Variants in KCND2 observed in about 807,000 individuals in gnomAD.
The protein encoded by KCND2 is A-type voltage-gated potassium channel KCND2.
KCND2 carries 16 observed loss-of-function variants against 54.4 expected under a neutral mutation model. The observed-to-expected ratio is 0.29, with a 90% CI of 0.20 to 0.45. KCND2 has a LOEUF of 0.45. KCND2 is among the 20% of genes least tolerant of loss of function. KCND2 has a pLI of 1.00. For missense variants in KCND2, 486 were observed against 824.2 expected (o/e 0.59, Z 5.02); for synonymous variants, 317 against 310.7 (o/e 1.02, Z -0.21).
intron 1 of KCND2, among the ~76,000 whole-genome samples, chr7:120,569,005 A>G (rs1792331723): frequency 6.6e-6 from 1 of 152,122 alleles, no homozygotes; most frequent in East Asian, 1.9e-4. Flanking sequence ...TAGCACCCCC[A>G]GCACTTGCAA....
At chr7:120,338,512 A>C (rs1198067105) in intron 1 of KCND2, among the ~76,000 whole-genome samples, 1 of 152,002 alleles carries the variant, frequency 6.6e-6, no homozygotes, top group Non-Finnish European at 1.5e-5. Context: ...TGGTATTTTG[A>C]AGTTAACTAT....
intron 1 of KCND2, among the ~76,000 whole-genome samples, chr7:120,724,146 G>A (rs137893467): frequency 6.6e-5 from 10 of 152,224 alleles, no homozygotes; most frequent in Non-Finnish European, 2.9e-5. Context: ...CCAATTATTT[G>A]CTCAGCACTG....
intron 1 of KCND2, among the ~76,000 whole-genome samples, chr7:120,605,154 C>G (rs58555874): frequency 0.085 from 12,944 of 152,202 alleles, 627 homozygotes; most frequent in South Asian, 0.09. Flanking sequence ...ACAACCATGA[C>G]CACTGTCTAA....
chr7:120,574,686 T>G, intron 1 of KCND2, among the ~76,000 whole-genome samples: 1 of 152,080 alleles, frequency 6.6e-6, no homozygotes, highest in East Asian at 1.9e-4. Context: ...GCGTTGGAAT[T>G]TTTATAGCTT....
At chr7:120,413,090 C>T (rs1801474175) in intron 1 of KCND2, among the ~76,000 whole-genome samples, 1 of 151,944 alleles carries the variant, frequency 6.6e-6, no homozygotes, top group African/African-American at 2.4e-5. Context: ...CTACTAGCAC[C>T]ACCTTCCCAA....
rs925809356 is a variant in KCND2 at position 120,323,567 on chromosome 7, C to T, written c.1115+47820C>T. On this transcript the variant is annotated intron_variant, in intron 1 of 5. Coordinates refer to ENST00000331113, the MANE Select transcript of KCND2 (RefSeq NM_012281.3). ...TGTGGTGTTTGGTTTTTTGTCCTTG[C>T]GATAGTTTACTGAGAATGATGATTT... Among the ~76,000 whole-genome samples, 43 of 149,886 alleles carry T rather than the reference C, an allele frequency of 2.9e-4. 1 individual carries two copies. The highest frequency in any genetic ancestry group is 8.6e-4 in the African/African-American group (35 of 40,632).
At chr7:120,364,558 T>G (rs1011158739) in intron 1 of KCND2, among the ~76,000 whole-genome samples, 2 of 152,066 alleles carry the variant, frequency 1.3e-5, no homozygotes, top group Non-Finnish European at 2.9e-5. Context: ...AATGCAAGGT[T>G]TTGCAATGGG....
intron 4 of KCND2, among the ~76,000 whole-genome samples, chr7:120,745,071 T>C (rs1792989170): frequency 1.3e-5 from 2 of 152,104 alleles, no homozygotes; most frequent in African/African-American, 2.4e-5. Flanking sequence ...CATACAGAGA[T>C]CATGAGTACA....
rs753709368 is a variant in KCND2, at chr7:120,274,659, G to C, written c.27G>C (p.Leu9=). 3 of 1,614,010 alleles carry C rather than the reference G, an allele frequency of 1.9e-6. No individual in the cohort carries two copies. The highest frequency in any genetic ancestry group is 2.2e-5 in the East Asian group (1 of 44,836). The change falls in exon 1 of 6, where the codon CTG becomes CTC. Residue 9 remains leucine, a synonymous_variant. Transcript: ENST00000331113. ...TGGCGGCGGGGGTGGCAGCGTGGCTGCCTTTTGCAAGGGCAGCGGCTATCG... is the reference window on the plus strand; with the variant it reads ...TGGCGGCGGGGGTGGCAGCGTGGCTCCCTTTTGCAAGGGCAGCGGCTATCG... MAAGVAAW[L]PFARAAAIGW...
At chr7:120,656,787 A>G (rs1443173986) in intron 1 of KCND2, among the ~76,000 whole-genome samples, 1 of 152,190 alleles carries the variant, frequency 6.6e-6, no homozygotes, top group African/African-American at 2.4e-5. Context: ...GTGCAAAATT[A>G]TTATTCCCCT....
intron 1 of KCND2, among the ~76,000 whole-genome samples, chr7:120,303,701 C>T (rs1272028373): frequency 6.6e-6 from 1 of 152,138 alleles, no homozygotes; most frequent in East Asian, 1.9e-4. Context: ...CTTTGCTCTC[C>T]TAATCATCCT....
Position 120,672,884 on chromosome 7 carries a change from C to A in KCND2, c.1116-60019C>A, listed in dbSNP as rs557088369. ...GAAATTTCTGCTCTCTTTGGCAGCA[C>A]GTGTACTAATAATATAGGAAGGATA... On this transcript the variant is annotated intron_variant, in intron 1 of 5. Coordinates refer to ENST00000331113, the MANE Select transcript of KCND2 (RefSeq NM_012281.3). The A allele has an allele frequency of 4.6e-5, 7 of 152,130 alleles. No homozygotes were observed. In the East Asian group the frequency reaches 1.4e-3, roughly 29 times the overall value. 9.4% of individuals were successfully genotyped at this position (152,130 alleles called of 1,614,324 possible).
At chr7:120,283,295 A>C (rs1039769974) in intron 1 of KCND2, among the ~76,000 whole-genome samples, 1 of 152,206 alleles carries the variant, frequency 6.6e-6, no homozygotes, top group Non-Finnish European at 1.5e-5. Context: ...ATGATAGACC[A>C]CAATAAAGAC....
At chr7:120,503,869 C>T (rs764424219) in intron 1 of KCND2, among the ~76,000 whole-genome samples, 7 of 151,834 alleles carry the variant, frequency 4.6e-5, no homozygotes, top group Non-Finnish European at 7.4e-5. Context: ...GGAAGGGACC[C>T]TTTCAAGCAA....
At chr7:120,559,854 G>T (rs1425162073) in intron 1 of KCND2, among the ~76,000 whole-genome samples, 1 of 152,114 alleles carries the variant, frequency 6.6e-6, no homozygotes, top group African/African-American at 2.4e-5. Flanking sequence ...TTAACCAAGA[G>T]AAAATTAAGC....
intron 1 of KCND2, among the ~76,000 whole-genome samples, chr7:120,572,670 G>A (rs1479391354): frequency 1.3e-5 from 2 of 152,070 alleles, no homozygotes; most frequent in East Asian, 1.9e-4. Flanking sequence ...GGTGTGAGCC[G>A]CCACACCCAG....
chr7:120,273,417 C>T lies in KCND2; in HGVS notation c.-1216C>T, dbSNP rs1388964330. Among the ~76,000 whole-genome samples the T allele has an allele frequency of 3.4e-5, 5 of 147,586 alleles. No individual in the cohort carries two copies. The highest frequency in any genetic ancestry group is 6.0e-5 in the Non-Finnish European group (4 of 66,362). ...GCCAACGCCGCCCGCCCGGCCGCCC[C>T]GCAGCCCCGCCGCCCCGCAGCCCCG... On this transcript the variant is annotated 5_prime_UTR_variant, in exon 1 of 6. Coordinates refer to ENST00000331113, the MANE Select transcript of KCND2 (RefSeq NM_012281.3).
At chr7:120,290,487 C>T (rs904852510) in intron 1 of KCND2, among the ~76,000 whole-genome samples, 4 of 151,968 alleles carry the variant, frequency 2.6e-5, no homozygotes, top group African/African-American at 9.7e-5. Flanking sequence ...TTTCTCATCT[C>T]TATGCTATTG....
At chr7:120,579,256 A>G (rs756035733) in intron 1 of KCND2, among the ~76,000 whole-genome samples, 15 of 151,840 alleles carry the variant, frequency 9.9e-5, no homozygotes, top group Admixed American at 2.6e-4. Context: ...CTTTTTGACT[A>G]TACTATTATT....
Sources: allele counts gnomAD v4.1 joint callset (sites outside exome capture counted in the v4.1 genomes callset), GRCh38; gene constraint gnomAD v4.1.1; transcripts MANE v1.5; gene names NCBI Gene and HGNC (gene_info 2026-07-23, HGNC 2026-07-21).